SP100: variants seen among roughly 807,000 people sequenced by gnomAD.
The protein encoded by SP100 is nuclear autoantigen Sp-100.
SP100 carries 84 observed loss-of-function variants against 130.0 expected under a neutral mutation model. The observed-to-expected ratio is 0.65, with a 90% confidence interval of 0.54 to 0.77. The LOEUF (loss-of-function observed/expected upper bound fraction) is 0.77. Among genes scored for constraint, SP100 ranks in the 30% least tolerant of loss-of-function variants. SP100 has a pLI of 0.00. For missense variants in SP100, 978 were observed against 1,052.2 expected, an observed-to-expected ratio of 0.93 and a Z score of 0.97; for synonymous variants, 331 against 351.7, an observed-to-expected ratio of 0.94 and a Z score of 0.66.
chr2:230,525,041 G>C lies in SP100; in HGVS notation c.2094+13875G>C, dbSNP rs73998854. 4.4e-3 allele frequency among the ~76,000 whole-genome samples: 673 copies of C among 152,280 alleles called. 4 individuals carry two copies. The highest frequency in any genetic ancestry group is 0.015 in the African/African-American group (641 of 41,554). On this transcript the variant is annotated intron_variant, in intron 24 of 28. Coordinates refer to ENST00000340126, the MANE Select transcript of SP100 (RefSeq NM_001080391.2). Reference sequence around the variant, plus strand: ...AGTAAGTAAAGGAGAGAGGTGTAAAGAGAGTTATGGATATCAAGATGTAAT... The same window carrying C: ...AGTAAGTAAAGGAGAGAGGTGTAAACAGAGTTATGGATATCAAGATGTAAT...
chr2:230,451,663 T>C (rs1409338554), intron 8 of SP100, among the ~76,000 whole-genome samples: 8 of 152,248 alleles, frequency 5.3e-5, no homozygotes, highest in Non-Finnish European at 1.2e-4. Context: ...ATCCCAGTTC[T>C]TTTTGCTTTT....
chr2:230,523,855 G>C (rs371901772), intron 24 of SP100, among the ~76,000 whole-genome samples: 30 of 152,048 alleles, frequency 2.0e-4, no homozygotes, highest in Admixed American at 2.0e-3. Context: ...GTTGCAGTAA[G>C]CTGAGATCAT....
At chr2:230,480,489 C>T (rs1387948226) in intron 17 of SP100, among the ~76,000 whole-genome samples, 1 of 152,140 alleles carries the variant, frequency 6.6e-6, no homozygotes, top group East Asian at 1.9e-4. Context: ...ATTCAGGTTC[C>T]CTGTGGATCT....
chr2:230,494,497 G>A (rs1183058285), intron 18 of SP100, 37 bp downstream of exon 18: 14 of 1,509,848 alleles, frequency 9.3e-6, no homozygotes, highest in South Asian at 3.4e-5. Context: ...CTTTGAACTC[G>A]CTGTGGTCCT....
intron 10 of SP100, 46 bp from the exon 11 acceptor site, chr2:230,464,020 CT>C (rs751737296): frequency 2.7e-5 from 34 of 1,276,944 alleles, no homozygotes; most frequent in South Asian, 1.6e-4. Context: ...GAACTGATTC[CT>C]TGGTCACACA....
intron 17 of SP100, among the ~76,000 whole-genome samples, chr2:230,477,055 C>T (rs933950090): frequency 1.3e-5 from 2 of 152,036 alleles, no homozygotes; most frequent in East Asian, 1.9e-4. Flanking sequence ...TTAGTAGAGT[C>T]GGTGTTTCAC....
intron 21 of SP100, among the ~76,000 whole-genome samples, chr2:230,504,886 T>C (rs1028077067): frequency 6.6e-6 from 1 of 152,216 alleles, no homozygotes; most frequent in African/African-American, 2.4e-5. Context: ...TTTAACAAGA[T>C]TTCTTTGGAT....
chr2:230,534,647 G>A (rs1691847083), intron 24 of SP100, among the ~76,000 whole-genome samples: 1 of 152,220 alleles, frequency 6.6e-6, no homozygotes, highest in African/African-American at 2.4e-5. Context: ...TATGCAGAAA[G>A]CGTTGTCACA....
chr2:230,511,101 C>A, intron 23 of SP100, 24 bp from the exon 24 acceptor site: 1 of 1,535,000 alleles, frequency 6.5e-7, no homozygotes, highest in Non-Finnish European at 9.0e-7. Context: ...AATATTGTAC[C>A]AATCTTTCTG....
chr2:230,526,941 A>G (rs1190161472), intron 24 of SP100, among the ~76,000 whole-genome samples: 1 of 152,128 alleles, frequency 6.6e-6, no homozygotes, highest in East Asian at 1.9e-4. Flanking sequence ...GACCAAACCT[A>G]CGTTTGATTA....
Position 230,446,891 on chromosome 2 carries a change from G to A in SP100, c.512G>A (p.Ser171Asn), listed in dbSNP as rs546667793. ...GAGGAGAGGTCTGGCCTCCAACTAA[G>A]TCTTGAACAAGGTAAAAATGACAGA... ...EREERSGLQLSLEQGTGENSF... is the reference protein window; with the variant it reads ...EREERSGLQLNLEQGTGENSF... Residue 171 changes from serine to asparagine, a missense_variant, in exon 5 of 29, where the codon AGT becomes AAT. Ser to Asn is a conservative substitution (Grantham distance 46, BLOSUM62 1). Transcript: ENST00000340126. 6.2e-7 allele frequency: 1 copy of A among 1,605,854 alleles called. No individual in the cohort carries two copies. Among genetic ancestry groups the A allele is most frequent in the South Asian group, 1.1e-5 (1 of 90,604 alleles).
chr2:230,451,662 C>T (rs1056760263), intron 8 of SP100, among the ~76,000 whole-genome samples: 1 of 152,126 alleles, frequency 6.6e-6, no homozygotes, highest in African/African-American at 2.4e-5. Flanking sequence ...AATCCCAGTT[C>T]TTTTTGCTTT....
chr2:230,419,639 GACC>G (rs2062713648), intron 2 of SP100, among the ~76,000 whole-genome samples: 1 of 152,168 alleles, frequency 6.6e-6, no homozygotes, highest in African/African-American at 2.4e-5. Flanking sequence ...GACAAAAAGA[GACC>G]ACATTTACAT....
At chr2:230,422,177 G>A (rs2062786126) in intron 2 of SP100, among the ~76,000 whole-genome samples, 1 of 151,996 alleles carries the variant, frequency 6.6e-6, no homozygotes, top group South Asian at 2.1e-4. Context: ...CTCTTTTATA[G>A]CATCTTGTTT....
chr2:230,468,168 A>G (rs1476947088), intron 13 of SP100, among the ~76,000 whole-genome samples: 1 of 152,234 alleles, frequency 6.6e-6, no homozygotes, highest in Non-Finnish European at 1.5e-5. Flanking sequence ...TTCTTTGCAC[A>G]TCACATATGG....
At chr2:230,539,504 A>C (rs2150116187) in intron 25 of SP100, 122 bp downstream of exon 25, 2 of 644,646 alleles carry the variant, frequency 3.1e-6, no homozygotes, top group Non-Finnish European at 5.6e-6. Flanking sequence ...CATAAGGAGC[A>C]GGCTCCTTAG....
At chr2:230,527,487 A>G (rs990855235) in intron 24 of SP100, among the ~76,000 whole-genome samples, 7 of 152,208 alleles carry the variant, frequency 4.6e-5, no homozygotes, top group Non-Finnish European at 1.0e-4. Context: ...AATGTTAAAG[A>G]CCATCGATGC....
chr2:230,457,898 A>C (rs1209652681), intron 8 of SP100, among the ~76,000 whole-genome samples: 1 of 152,152 alleles, frequency 6.6e-6, no homozygotes, highest in Non-Finnish European at 1.5e-5. Flanking sequence ...GTTTTCTCAT[A>C]CTAACTGCCT....
At chr2:230,452,818 G>GTT (rs371944455) in intron 8 of SP100, among the ~76,000 whole-genome samples, 4,967 of 121,964 alleles carry the variant, frequency 0.041, 146 homozygotes, top group South Asian at 0.051. Flanking sequence ...AGTTCTAGCA[G>GTT]TTTTTTTTTT....
Sources: allele counts gnomAD v4.1 joint callset (sites outside exome capture counted in the v4.1 genomes callset), GRCh38; gene constraint gnomAD v4.1.1; transcripts MANE v1.5; gene names NCBI Gene and HGNC (gene_info 2026-07-23, HGNC 2026-07-21).